The following ZNF215 variants were observed in gnomAD, a reference collection of about 807,000 sequenced individuals.
The protein encoded by ZNF215 is zinc finger protein 215.
In ZNF215, 24 loss-of-function variants were observed where a neutral mutation model predicts 27.2. The observed-to-expected ratio is 0.88, with a 90% confidence interval of 0.64 to 1.24. ZNF215 has a LOEUF of 1.24. ZNF215 is among the 50% of genes most tolerant of loss of function. The probability of loss-of-function intolerance (pLI) is 0.00; values close to 1 mark genes in which losing one functional copy is unlikely to be tolerated. For synonymous variants in ZNF215, 210 were observed against 204.0 expected (o/e 1.03, Z -0.25); for missense variants, 675 against 605.7 (o/e 1.11, Z -1.20).
intron 5 of ZNF215, among the ~76,000 whole-genome samples, chr11:6,982,314 T>C (rs996790221): frequency 5.9e-5 from 9 of 151,940 alleles, no homozygotes; most frequent in Non-Finnish European, 1.0e-4. Flanking sequence ...AATGGGAGAC[T>C]TTAACACCCC....
At chr11:6,940,576 T>C (rs1490891372) in intron 3 of ZNF215, among the ~76,000 whole-genome samples, 1 of 152,232 alleles carries the variant, frequency 6.6e-6, no homozygotes, top group African/African-American at 2.4e-5. Flanking sequence ...CCCAAAGTGT[T>C]GGGATTGCAG....
chr11:6,974,818 T>C (rs1850796406), intron 5 of ZNF215, among the ~76,000 whole-genome samples: 2 of 151,758 alleles, frequency 1.3e-5, no homozygotes, highest in Admixed American at 6.6e-5. Context: ...TTTCTAGATA[T>C]ACAATCATGT....
intron 6 of ZNF215, among the ~76,000 whole-genome samples, chr11:6,948,246 C>T (rs1245261786): frequency 6.6e-6 from 1 of 152,166 alleles, no homozygotes; most frequent in African/African-American, 2.4e-5. Context: ...ATAAGACCCC[C>T]AGAGTCTCAC....
chr11:6,929,740 A>C (rs1849185134), intron 2 of ZNF215, among the ~76,000 whole-genome samples: 1 of 151,776 alleles, frequency 6.6e-6, no homozygotes, highest in African/African-American at 2.4e-5. Context: ...CTGAGATGGT[A>C]TTTGTCAGGT....
intron 5 of ZNF215, among the ~76,000 whole-genome samples, chr11:6,983,102 A>G: frequency 6.6e-6 from 1 of 152,146 alleles, no homozygotes; most frequent in Non-Finnish European, 1.5e-5. Flanking sequence ...CAGAAATACA[A>G]ACTACCATCA....
At chr11:6,980,331 C>A (rs1406129019) in intron 5 of ZNF215, among the ~76,000 whole-genome samples, 3 of 151,870 alleles carry the variant, frequency 2.0e-5, no homozygotes, top group Non-Finnish European at 1.5e-5. Context: ...GTAACTATAG[C>A]AATGTTCTGT....
At position 6,956,659 on chromosome 11, in the gene ZNF215, A is replaced by T; in HGVS notation, c.*128A>T. 7.1e-7 allele frequency: 1 copy of T among 1,403,574 alleles called. No homozygotes were observed. The highest frequency in any genetic ancestry group is 9.2e-7 in the Non-Finnish European group (1 of 1,086,680). 86.9% of individuals were successfully genotyped at this position (1,403,574 alleles called of 1,614,324 possible). A position where few individuals can be genotyped will look rare whatever the true frequency, so the allele number is the denominator to read the frequency against. On this transcript the variant is annotated 3_prime_UTR_variant, in exon 7 of 7. Coordinates refer to ENST00000278319, the MANE Select transcript of ZNF215 (RefSeq NM_013250.4). ...TTTGTCAGATTTTTCTTTAAATGAT[A>T]TCACAGAATTAATGTTGGATAGAAA...
intron 2 of ZNF215, among the ~76,000 whole-genome samples, chr11:6,931,290 C>A (rs986692012): frequency 6.6e-6 from 1 of 152,226 alleles, no homozygotes. Context: ...ATGAGAGATA[C>A]TGGCTCCTGG....
intron 5 of ZNF215, among the ~76,000 whole-genome samples, chr11:6,972,465 GT>G (rs1380373195): frequency 5.3e-5 from 8 of 150,590 alleles, no homozygotes; most frequent in Admixed American, 2.7e-4. Flanking sequence ...TTCACAGATT[GT>G]TTTTTATATT....
chr11:6,966,306 A>T (rs114748893), intron 5 of ZNF215, among the ~76,000 whole-genome samples: 3 of 152,134 alleles, frequency 2.0e-5, no homozygotes, highest in African/African-American at 7.2e-5. Context: ...AGTAGAGAAC[A>T]GTAGACATCG....
Position 6,968,796 on chromosome 11 carries a change from G to T in ZNF215, c.805+13014G>T, listed in dbSNP as rs562996533. On this transcript the variant is annotated intron_variant, in intron 5 of 5. Coordinates refer to the ZNF215 transcript ENST00000529903. ...TGGGAGGATCACCTGAGCCCAGGAG[G>T]TTGAGGCTGCAGTGAGCCATGAGCA... Among the ~76,000 whole-genome samples, 4 of 152,104 alleles carry T rather than the reference G, an allele frequency of 2.6e-5. No homozygotes were observed. The South Asian group carries it at 8.3e-4, about 32-fold the overall frequency.
At chr11:6,990,758 G>A (rs113292829), downstream of ZNF215, among the ~76,000 whole-genome samples, 5 of 152,038 alleles carry the variant, frequency 3.3e-5, no homozygotes, top group Non-Finnish European at 5.9e-5. Context: ...ACACACACAC[G>A]CGCACATGTG....
downstream of ZNF215, among the ~76,000 whole-genome samples, chr11:6,961,157 C>A (rs941575467): frequency 1.3e-5 from 2 of 152,054 alleles, no homozygotes; most frequent in African/African-American, 4.8e-5. Context: ...AGAATTTGCT[C>A]CCACATGTAT....
At chr11:6,947,702 T>C (rs1240431485) in intron 6 of ZNF215, among the ~76,000 whole-genome samples, 1 of 152,216 alleles carries the variant, frequency 6.6e-6, no homozygotes, top group Non-Finnish European at 1.5e-5. Flanking sequence ...CTGTTACTTT[T>C]AACAGATTAC....
chr11:6,977,498 T>G (rs948528661), intron 5 of ZNF215, among the ~76,000 whole-genome samples: 1 of 151,982 alleles, frequency 6.6e-6, no homozygotes, highest in Non-Finnish European at 1.5e-5. Context: ...ACTATTATAT[T>G]TGGAGATAGG....
At chr11:6,932,825 A>G (rs181964648) in intron 3 of ZNF215, among the ~76,000 whole-genome samples, 153 bp downstream of exon 3, 1 of 152,354 alleles carries the variant, frequency 6.6e-6, no homozygotes, top group Non-Finnish European at 1.5e-5. Flanking sequence ...TGTAGGTAAT[A>G]GAAATAGAGA....
chr11:6,966,135 C>G (rs1484176784), intron 5 of ZNF215, among the ~76,000 whole-genome samples: 1 of 152,074 alleles, frequency 6.6e-6, no homozygotes, highest in Non-Finnish European at 1.5e-5. Flanking sequence ...AGCCTTAGCA[C>G]TTGGTGTCTT....
intron 3 of ZNF215, among the ~76,000 whole-genome samples, chr11:6,936,843 A>G (rs1037709764): frequency 1.3e-5 from 2 of 151,830 alleles, no homozygotes; most frequent in East Asian, 3.8e-4. Flanking sequence ...GATTATCTCA[A>G]TTGATGCAGA....
Position 6,957,126 on chromosome 11 carries a change from G to A in ZNF215, c.*595G>A. ...AGGGTTATCAACTGCAATGGGAGAA[G>A]TATGTATTGCTGTTAATCTATATGT... On this transcript the variant is annotated 3_prime_UTR_variant, in exon 7 of 7. Transcript: ENST00000278319. 1 of 985,430 alleles carries A rather than the reference G, an allele frequency of 1.0e-6. No individual in the cohort carries two copies. Among genetic ancestry groups the A allele is most frequent in the Non-Finnish European group, 1.2e-6 (1 of 829,912 alleles). The allele number at this position is 985,430 out of a possible 1,614,324, so 61.0% of individuals were successfully genotyped here.
Sources: allele counts gnomAD v4.1 joint callset (sites outside exome capture counted in the v4.1 genomes callset), GRCh38; gene constraint gnomAD v4.1.1; transcripts MANE v1.5; gene names NCBI Gene and HGNC (gene_info 2026-07-23, HGNC 2026-07-21).